TRPM1: variants seen among roughly 807,000 people sequenced by gnomAD.
The protein encoded by TRPM1 is TRPM1-203 APA Isoform, Intron 10.
A neutral mutation model predicts 149.4 loss-of-function variants in TRPM1; 113 were observed. The ratio of observed to expected loss-of-function variants is 0.76; its 90% confidence interval spans 0.65 to 0.88. The LOEUF is 0.88. Among genes scored for constraint, TRPM1 ranks in the 40% least tolerant of loss-of-function variants. The pLI is 0.00. For missense variants in TRPM1, 1,976 were observed against 2,038.7 expected (o/e 0.97, Z 0.59); for synonymous variants, 741 against 759.5 (o/e 0.98, Z 0.40).
At chr15:31,097,249 C>G (rs972511518) in intron 1 of TRPM1, among the ~76,000 whole-genome samples, 1 of 121,686 alleles carries the variant, frequency 8.2e-6, no homozygotes, top group Non-Finnish European at 1.6e-5. Flanking sequence ...CCCAAGACTA[C>G]GTCCACCAAA....
intron 1 of TRPM1, among the ~76,000 whole-genome samples, chr15:31,121,343 T>C (rs1215447771): frequency 6.7e-6 from 1 of 148,750 alleles, no homozygotes; most frequent in Non-Finnish European, 1.5e-5. Context: ...TAAAAATCAA[T>C]GCAGAAATCA....
Position 31,087,231 on chromosome 15 carries a change from A to ATTTTTTTTTTTTTT in TRPM1, c.-83-5807_-83-5794dup, listed in dbSNP as rs58872566. Among the ~76,000 whole-genome samples, 14 of 59,446 alleles carry ATTTTTTTTTTTTTT rather than the reference A, an allele frequency of 2.4e-4. 1 individual carries two copies. Among genetic ancestry groups the ATTTTTTTTTTTTTT allele is most frequent in the African/African-American group, 9.3e-4 (13 of 14,046 alleles). The allele number at this position is 59,446 out of a possible 152,430, so 39.0% of individuals were successfully genotyped here. A position where few individuals can be genotyped will look rare whatever the true frequency, so the allele number is the denominator to read the frequency against. The stretch of plus-strand genomic sequence containing the variant: ...AGCAGTTAAGCAGGTCTCAATAGGG[A>ATTTTTTTTTTTTTT]TTTTTTTTTTTTTTTTTTTTTTTTT... On this transcript the variant is annotated intron_variant, in intron 1 of 27. Coordinates refer to ENST00000256552, the MANE Select transcript of TRPM1 (RefSeq NM_001252024.2).
intron 27 of TRPM1, among the ~76,000 whole-genome samples, chr15:31,018,035 ATTTG>A (rs1472789681): frequency 2.0e-5 from 3 of 151,900 alleles, no homozygotes; most frequent in Non-Finnish European, 2.9e-5. Context: ...AATTTTATTT[ATTTG>A]TTTATTTATT....
chr15:31,135,461 C>T (rs1484089690), intron 1 of TRPM1, among the ~76,000 whole-genome samples: 1 of 151,996 alleles, frequency 6.6e-6, no homozygotes, highest in African/African-American at 2.4e-5. Context: ...AGAGAATGAT[C>T]CATCCTACCC....
intron 1 of TRPM1, among the ~76,000 whole-genome samples, chr15:31,152,720 G>A (rs976671162): frequency 6.6e-6 from 1 of 152,164 alleles, no homozygotes; most frequent in Non-Finnish European, 1.5e-5. Flanking sequence ...ATGGCTCGCT[G>A]CAGCCTTGAC....
chr15:31,089,667 T>C (rs1399875307), intron 1 of TRPM1, among the ~76,000 whole-genome samples: 2 of 152,236 alleles, frequency 1.3e-5, no homozygotes, highest in African/African-American at 4.8e-5. Flanking sequence ...CTGGGACGGT[T>C]CACCCTATGA....
At position 31,047,228 on chromosome 15, in the gene TRPM1, G is replaced by A; in HGVS notation, c.1647C>T (p.His549=). 1 of 1,614,232 alleles carries A rather than the reference G, an allele frequency of 6.2e-7. No homozygotes were observed. The highest frequency in any genetic ancestry group is 8.5e-7 in the Non-Finnish European group (1 of 1,180,048). ...CGAGCCCGATGTCTATGAGGCTGAT[G>A]TGGTAATCAGGCGGAAGGTTGCTCT... The part of the protein sequence containing the change: ...VKKSNLPPDY[H]ISLIDIGLVL... The change falls in exon 15 of 28, where the codon CAC becomes CAT. Residue 549 remains histidine (H), a synonymous_variant. Coordinates refer to ENST00000256552, the MANE Select transcript of TRPM1 (RefSeq NM_001252024.2).
intron 13 of TRPM1, among the ~76,000 whole-genome samples, chr15:31,049,095 T>G (rs547270199): frequency 4.6e-5 from 7 of 152,244 alleles, no homozygotes; most frequent in Admixed American, 3.3e-4. Flanking sequence ...GGGAGCTAGA[T>G]TCCCTCTTTG....
At chr15:31,049,180 G>A (rs2033864850) in intron 13 of TRPM1, among the ~76,000 whole-genome samples, 195 bp downstream of exon 13, 1 of 152,162 alleles carries the variant, frequency 6.6e-6, no homozygotes, top group South Asian at 2.1e-4. Context: ...AGTGACTGGC[G>A]AGGCATGGCA....
chr15:31,031,444 T>A (rs1313291533), intron 22 of TRPM1: 1 of 495,288 alleles, frequency 2.0e-6, no homozygotes, highest in Non-Finnish European at 3.6e-6. Flanking sequence ...TAACTACAAC[T>A]GCAAATGGAG....
At position 31,001,725 on chromosome 15, in the gene TRPM1, G is replaced by A; in HGVS notation, c.*97C>T. 1 of 1,403,676 alleles carries A rather than the reference G, an allele frequency of 7.1e-7. No individual in the cohort carries two copies. Among genetic ancestry groups the A allele is most frequent in the East Asian group, 2.4e-5 (1 of 41,524 alleles). The allele number at this position is 1,403,676 out of a possible 1,614,324, so 87.0% of individuals were successfully genotyped here. A position where few individuals can be genotyped will look rare whatever the true frequency, so the allele number is the denominator to read the frequency against. The stretch of plus-strand genomic sequence containing the variant: ...GTCTGAATTTCCAAAATTTTTTAAG[G>A]AAAATGTTTTTAGAAATTGATGATG... On this transcript the variant is annotated 3_prime_UTR_variant, in exon 28 of 28. Coordinates refer to ENST00000256552, the MANE Select transcript of TRPM1 (RefSeq NM_001252024.2).
At position 31,106,861 on chromosome 15, in the gene TRPM1, A is replaced by G. The variant is rs117319194; in HGVS notation, c.55-29877T>C. Among the ~76,000 whole-genome samples the G allele has an allele frequency of 5.4e-3, 820 of 152,332 alleles. 6 individuals carry two copies. The highest frequency in any genetic ancestry group is 9.8e-3 in the Non-Finnish European group (664 of 68,016). ...TGCTTATATTGCAAAACTTCCCTTC[A>G]TAGAGATTGTAGCATTTTGCATTTC... On this transcript the variant is annotated intron_variant, in intron 1 of 26. Coordinates refer to the TRPM1 transcript ENST00000542188.
chr15:31,091,041 T>C (rs2035222856), intron 1 of TRPM1, among the ~76,000 whole-genome samples: 1 of 152,232 alleles, frequency 6.6e-6, no homozygotes, highest in Admixed American at 6.5e-5. Context: ...TCTTAAGCAT[T>C]AGCTGATAAA....
At chr15:31,028,564 C>A in intron 24 of TRPM1, 88 bp from the exon 25 acceptor site, 1 of 1,424,368 alleles carries the variant, frequency 7.0e-7, no homozygotes, top group Non-Finnish European at 9.7e-7. Context: ...ATACCTATTT[C>A]TTTTTTAATA....
rs774159227 is a variant in TRPM1 at position 31,027,011 on chromosome 15, T to A, written c.3400A>T (p.Ile1134Phe). 6.2e-7 allele frequency: 1 copy of A among 1,614,194 alleles called. No individual in the cohort carries two copies. Among genetic ancestry groups the A allele is most frequent in the Non-Finnish European group, 8.5e-7 (1 of 1,180,042 alleles). Residue 1134 changes from isoleucine to phenylalanine, a missense_variant, in exon 26 of 28, where the codon ATC (isoleucine) becomes TTC (phenylalanine). Physicochemically the swap from Ile to Phe is conservative, Grantham distance 21. Transcript: ENST00000256552. Reference sequence around the variant, plus strand: ...ATGATGTAGATGTGGCTTAAAATGATCATCGGTGGGGGCAGGACTGGCCTG... The same window carrying A: ...ATGATGTAGATGTGGCTTAAAATGAACATCGGTGGGGGCAGGACTGGCCTG... ...HDRPVLPPPM[I>F]ILSHIYIIIM...
Position 31,067,998 on chromosome 15 carries a change from A to G in TRPM1, c.374T>C (p.Val125Ala). 6.2e-7 allele frequency: 1 copy of G among 1,614,212 alleles called. No individual in the cohort carries two copies. ...QLELPKLLIS[V>A]HGGLQNFEMQ... ...CTCAAAGTTCTGGAGGCCTCCATGC[A>G]CAGATATTAAGAGCTTGGGGAGTTC... Residue 125 changes from valine to alanine, a missense_variant, in exon 5 of 28, where the codon GTG becomes GCG. Transcript: ENST00000256552.
At chr15:31,058,021 C>A (rs754032314) in intron 11 of TRPM1, among the ~76,000 whole-genome samples, 14 of 152,106 alleles carry the variant, frequency 9.2e-5, no homozygotes, top group Non-Finnish European at 1.9e-4. Context: ...GTCAATTAAA[C>A]CTCCTTTACA....
chr15:31,066,016 C>A (rs142072609), intron 7 of TRPM1, 60 bp downstream of exon 7: 15,879 of 1,580,124 alleles, frequency 0.01, 104 homozygotes, highest in Non-Finnish European at 0.012. Context: ...TCCTTCTCAG[C>A]CTTGTTTCCA....
In TRPM1 at chr15:31,002,932, A is replaced by G. The variant is rs1390340973; in HGVS notation, c.3768T>C (p.Leu1256=). ...TCAGGTCAGACCTGTCGATTCCCGCAAGATTTTCAAGAGCATTCACCATTC... is the reference window on the plus strand; with the variant it reads ...TCAGGTCAGACCTGTCGATTCCCGCGAGATTTTCAAGAGCATTCACCATTC... The part of the protein sequence containing the change: ...SNRMVNALEN[L]AGIDRSDLIQ... Residue 1256 remains leucine (L), a synonymous_variant, in exon 28 of 28, where the codon CTT becomes CTC. Transcript: ENST00000256552. 1.2e-6 allele frequency: 2 copies of G among 1,602,946 alleles called. No individual in the cohort carries two copies. The highest frequency in any genetic ancestry group is 2.2e-5 in the East Asian group (1 of 44,670).
Sources: gnomAD v4.1 joint callset for allele counts (sites outside exome capture counted in the v4.1 genomes callset) on GRCh38, gnomAD v4.1.1 for gene constraint, MANE v1.5 for transcripts, NCBI Gene and HGNC (gene_info 2026-07-23, HGNC 2026-07-21) for gene names.